SH3RF3: variants seen among roughly 807,000 people sequenced by gnomAD.
SH3RF3 encodes SH3 domain containing ring finger 3.
SH3RF3 carries 29 observed loss-of-function variants against 66.3 expected under a neutral mutation model. The observed-to-expected ratio is 0.44, with a 90% CI of 0.33 to 0.60. The LOEUF (loss-of-function observed/expected upper bound fraction) is 0.60. SH3RF3 is among the 20% of genes least tolerant of loss of function. The pLI is 0.04. For missense variants in SH3RF3, 1,194 were observed against 1,190.9 expected (o/e 1.00, Z -0.04); for synonymous variants, 583 against 532.0 (o/e 1.10, Z -1.32).
rs376181769 is a variant in SH3RF3, at chr2:109,129,345, A to T, written c.-196A>T. On this transcript the variant is annotated 5_prime_UTR_variant, in exon 1 of 10. Transcript: ENST00000309415. ...CTCGGCTGGCCGGTCCCCGCCACGC[A>T]GGCCGGTCCCCGCCACGCAGGCCGG... 5.6e-4 allele frequency: 1 copy of T among 1,776 alleles called. No individual in the cohort carries two copies. The highest frequency in any genetic ancestry group is 0.012 in the Admixed American group (1 of 84). The allele number at this position is 1,776 out of a possible 1,614,324, so 0.1% of individuals were successfully genotyped here.
At chr2:109,296,221 C>T (rs1360116707) in intron 1 of SH3RF3, among the ~76,000 whole-genome samples, 1 of 151,324 alleles carries the variant, frequency 6.6e-6, no homozygotes, top group African/African-American at 2.4e-5. Context: ...ACAGAATGAC[C>T]TAGTATTATT....
intron 5 of SH3RF3, among the ~76,000 whole-genome samples, chr2:109,424,388 A>G (rs1260583908): frequency 6.6e-6 from 1 of 152,210 alleles, no homozygotes; most frequent in Non-Finnish European, 1.5e-5. Context: ...GACCCTGTCC[A>G]GTGGTGGGGC....
At chr2:109,195,306 G>A (rs182676011) in intron 1 of SH3RF3, among the ~76,000 whole-genome samples, 24 of 152,298 alleles carry the variant, frequency 1.6e-4, no homozygotes, top group Non-Finnish European at 1.0e-4. Context: ...TCATGTGGCA[G>A]GCAGTTCCTG....
chr2:109,340,356 A>C (rs1682532086), intron 1 of SH3RF3, among the ~76,000 whole-genome samples: 1 of 152,242 alleles, frequency 6.6e-6, no homozygotes, highest in Non-Finnish European at 1.5e-5. Context: ...TGCTCAGGAC[A>C]GGAAGGGGCA....
chr2:109,252,624 A>C (rs1226740788), intron 1 of SH3RF3, among the ~76,000 whole-genome samples: 2 of 152,230 alleles, frequency 1.3e-5, no homozygotes, highest in East Asian at 1.9e-4. Context: ...CAATAGTTGG[A>C]AGTATCATAA....
intron 1 of SH3RF3, among the ~76,000 whole-genome samples, chr2:109,315,454 T>C (rs1478661169): frequency 6.6e-6 from 1 of 152,240 alleles, no homozygotes; most frequent in Non-Finnish European, 1.5e-5. Flanking sequence ...CTTGTGTCTG[T>C]AGAATGCACT....
chr2:109,283,401 T>A (rs942830866), intron 1 of SH3RF3, among the ~76,000 whole-genome samples: 1 of 152,044 alleles, frequency 6.6e-6, no homozygotes, highest in Admixed American at 6.5e-5. Context: ...AGTGTTTTGG[T>A]GGCCAGTATT....
chr2:109,463,767 G>A (rs763983024), intron 8 of SH3RF3, among the ~76,000 whole-genome samples: 5 of 152,190 alleles, frequency 3.3e-5, no homozygotes, highest in Non-Finnish European at 5.9e-5. Flanking sequence ...AACATGCTAA[G>A]ACCATGGAGA....
intron 2 of SH3RF3, among the ~76,000 whole-genome samples, chr2:109,348,761 T>A (rs967509703): frequency 1.3e-5 from 2 of 152,084 alleles, no homozygotes; most frequent in Non-Finnish European, 2.9e-5. Flanking sequence ...CCTTCCTCCT[T>A]TCCATCTTCA....
intron 9 of SH3RF3, 47 bp downstream of exon 9, chr2:109,490,983 T>C: frequency 7.1e-7 from 1 of 1,399,532 alleles, no homozygotes; most frequent in South Asian, 1.7e-5. Flanking sequence ...TGGTTTGGCC[T>C]CTGAGGTCTG....
At chr2:109,266,288 T>A (rs1680491971) in intron 1 of SH3RF3, among the ~76,000 whole-genome samples, 1 of 148,848 alleles carries the variant, frequency 6.7e-6, no homozygotes, top group Admixed American at 6.6e-5. Flanking sequence ...TGCATGTTTG[T>A]GTTGTGTGTA....
chr2:109,387,096 G>A (rs367692517), intron 3 of SH3RF3, among the ~76,000 whole-genome samples: 3 of 152,150 alleles, frequency 2.0e-5, no homozygotes, highest in African/African-American at 7.2e-5. Flanking sequence ...GAGAAAGAAC[G>A]AGGTGAAACG....
At chr2:109,267,037 A>G (rs1033202744) in intron 1 of SH3RF3, among the ~76,000 whole-genome samples, 1 of 152,182 alleles carries the variant, frequency 6.6e-6, no homozygotes, top group African/African-American at 2.4e-5. Flanking sequence ...ACAGAGGTGG[A>G]TAAAAGCATT....
intron 8 of SH3RF3, among the ~76,000 whole-genome samples, chr2:109,450,954 G>A (rs1015038023): frequency 3.3e-5 from 5 of 152,162 alleles, no homozygotes; most frequent in African/African-American, 1.2e-4. Context: ...TCTCTTTCTC[G>A]AGGACATTGC....
intron 9 of SH3RF3, among the ~76,000 whole-genome samples, chr2:109,496,474 T>A (rs36154417): frequency 5.2e-4 from 79 of 152,140 alleles, no homozygotes; most frequent in Admixed American, 1.0e-3. Context: ...TGGCTTCACC[T>A]TTCACTATGA....
intron 8 of SH3RF3, among the ~76,000 whole-genome samples, chr2:109,452,994 G>A (rs1225712192): frequency 6.6e-6 from 1 of 151,612 alleles, no homozygotes; most frequent in African/African-American, 2.4e-5. Flanking sequence ...ATTCCCGGGA[G>A]GCTGGTCCCC....
intron 2 of SH3RF3, among the ~76,000 whole-genome samples, chr2:109,355,299 C>T (rs1682926696): frequency 6.6e-6 from 1 of 152,122 alleles, no homozygotes; most frequent in Admixed American, 6.5e-5. Context: ...GGCATATTGG[C>T]CCAGGAACTT....
intron 4 of SH3RF3, among the ~76,000 whole-genome samples, chr2:109,412,647 C>T (rs766186557): frequency 6.6e-6 from 1 of 152,142 alleles, no homozygotes; most frequent in Admixed American, 6.5e-5. Context: ...CATGGGGGAT[C>T]GAGAAAGATA....
chr2:109,258,595 C>A (rs1680276383), intron 1 of SH3RF3, among the ~76,000 whole-genome samples: 1 of 152,214 alleles, frequency 6.6e-6, no homozygotes, highest in Non-Finnish European at 1.5e-5. Flanking sequence ...CCCGCAATTC[C>A]CCAGGCCGGG....
Sources: allele counts gnomAD v4.1 joint callset (sites outside exome capture counted in the v4.1 genomes callset), GRCh38; gene constraint gnomAD v4.1.1; transcripts MANE v1.5; gene names NCBI Gene and HGNC (gene_info 2026-07-23, HGNC 2026-07-21).